Variants in FBLN7 observed in about 807,000 individuals in gnomAD.
FBLN7 encodes fibulin 7.
FBLN7 carries 31 observed loss-of-function variants against 44.0 expected under a neutral mutation model. The ratio of observed to expected loss-of-function variants is 0.70; its 90% CI spans 0.53 to 0.95. FBLN7 has a LOEUF of 0.95. FBLN7 is among the 40% of genes least tolerant of loss of function. The probability of loss-of-function intolerance (pLI) is 0.00; values close to 1 mark genes in which losing one functional copy is unlikely to be tolerated. For synonymous variants in FBLN7, 262 were observed against 253.4 expected, an observed-to-expected ratio of 1.03 and a Z score of -0.32; for missense variants, 573 against 618.5, an observed-to-expected ratio of 0.93 and a Z score of 0.78.
At chr2:112,195,223 G>A in the FBLN7 span, among the ~76,000 whole-genome samples, 39 of 152,306 alleles carry the variant, frequency 2.6e-4, 1 homozygote, top group East Asian at 7.1e-3. Context: ...ATCTGACCAC[G>A]TTTAATGAGA....
chr2:112,233,420 G>C, the FBLN7 span: 1 of 1,236,596 alleles, frequency 8.1e-7, no homozygotes, highest in Non-Finnish European at 1.1e-6. Context: ...TCATAGTCAA[G>C]TCATTATGAT....
Position 112,182,800 on chromosome 2 carries a change from AGT to A in FBLN7, c.684_685del (p.Cys228Ter). 3.1e-6 allele frequency: 5 copies of A among 1,605,296 alleles called. No individual in the cohort carries two copies. The highest frequency in any genetic ancestry group is 4.2e-6 in the Non-Finnish European group (5 of 1,176,560). ...GCACTTCTGTCTGCAGACGTGAACG[AGT>A]GTGAGCTCTACGGGCAGGAGGGGCG... is the stretch of plus-strand genomic sequence containing the variant. On this transcript the variant is annotated frameshift_variant, in exon 6 of 8. Transcript: ENST00000331203. LOFTEE classifies it high-confidence loss of function.
chr2:112,149,247 T>C (rs1310236080), intron 1 of FBLN7, among the ~76,000 whole-genome samples: 1 of 152,086 alleles, frequency 6.6e-6, no homozygotes, highest in Non-Finnish European at 1.5e-5. Context: ...CCTGGGGGCA[T>C]TGGGCAGTGA....
chr2:112,144,519 T>G (rs1680806696), intron 1 of FBLN7, among the ~76,000 whole-genome samples: 2 of 138,194 alleles, frequency 1.4e-5, no homozygotes, highest in South Asian at 4.7e-4. Context: ...TTTTGTTTTC[T>G]TTTCTTTTTT....
intron 1 of FBLN7, among the ~76,000 whole-genome samples, chr2:112,140,010 G>GGCCAGC (rs1680550528): frequency 1.4e-5 from 1 of 72,192 alleles, no homozygotes; most frequent in Non-Finnish European, 2.6e-5. Context: ...CCTCTCTCCA[G>GGCCAGC]GTCAGCGTCC....
At chr2:112,175,896 C>G in intron 4 of FBLN7, 57 bp downstream of exon 4, 1 of 1,584,022 alleles carries the variant, frequency 6.3e-7, no homozygotes. Context: ...GAGGAGGACC[C>G]TAGGCATAGG....
the FBLN7 span, chr2:112,238,430 T>C: frequency 1.9e-5 from 31 of 1,613,682 alleles, no homozygotes; most frequent in South Asian, 2.4e-4. Context: ...TATCTTCTGA[T>C]TCCTGACTGC....
intron 1 of FBLN7, among the ~76,000 whole-genome samples, chr2:112,148,933 G>C (rs1681011448): frequency 6.6e-6 from 1 of 152,210 alleles, no homozygotes; most frequent in African/African-American, 2.4e-5. Flanking sequence ...CTTCCTTTTT[G>C]ATGAAAAGAG....
chr2:112,203,065 C>T, the FBLN7 span, among the ~76,000 whole-genome samples: 40 of 152,246 alleles, frequency 2.6e-4, 1 homozygote, highest in East Asian at 7.5e-3. Context: ...AACAAAAAAA[C>T]TGGGAAATGA....
chr2:112,170,590 G>A (rs1478671351), intron 3 of FBLN7, among the ~76,000 whole-genome samples: 1 of 151,862 alleles, frequency 6.6e-6, no homozygotes, highest in Non-Finnish European at 1.5e-5. Flanking sequence ...CCCCAGGGAA[G>A]GGAAGAATTT....
chr2:112,147,577 ACT>A (rs1045130002), intron 1 of FBLN7, among the ~76,000 whole-genome samples: 3 of 151,046 alleles, frequency 2.0e-5, no homozygotes, highest in Non-Finnish European at 2.9e-5. Flanking sequence ...TGGAGCCCAG[ACT>A]CCCCCGGCCT....
chr2:112,210,647 C>G, the FBLN7 span, among the ~76,000 whole-genome samples: 1 of 85,258 alleles, frequency 1.2e-5, no homozygotes, highest in Non-Finnish European at 2.0e-5. Context: ...CAGAGTGAGA[C>G]TCTGTCTCAA....
chr2:112,195,640 C>A, the FBLN7 span, among the ~76,000 whole-genome samples: 2 of 152,156 alleles, frequency 1.3e-5, no homozygotes. Context: ...CTTTCTCATA[C>A]TAATGCTGGA....
At chr2:112,198,039 G>T in the FBLN7 span, among the ~76,000 whole-genome samples, 15 of 152,108 alleles carry the variant, frequency 9.9e-5, no homozygotes, top group African/African-American at 3.6e-4. Context: ...CCCTGGATTT[G>T]CCTGGAGAAC....
the FBLN7 span, among the ~76,000 whole-genome samples, chr2:112,235,502 T>G: frequency 6.6e-6 from 1 of 152,170 alleles, no homozygotes; most frequent in Non-Finnish European, 1.5e-5. Context: ...AGATTCCTCA[T>G]TCATAAAATA....
At chr2:112,149,526 AG>A (rs1681045658) in intron 1 of FBLN7, among the ~76,000 whole-genome samples, 1 of 152,098 alleles carries the variant, frequency 6.6e-6, no homozygotes, top group Non-Finnish European at 1.5e-5. Flanking sequence ...TGCCAGGATC[AG>A]GGTCCATTGT....
At chr2:112,156,374 A>G (rs962037846) in intron 1 of FBLN7, among the ~76,000 whole-genome samples, 29 of 152,134 alleles carry the variant, frequency 1.9e-4, no homozygotes, top group African/African-American at 6.0e-4. Flanking sequence ...ATCTTTCTCT[A>G]TGAAATGGAG....
the FBLN7 span, among the ~76,000 whole-genome samples, chr2:112,229,983 G>A: frequency 6.7e-6 from 1 of 149,382 alleles, no homozygotes; most frequent in Non-Finnish European, 1.5e-5. Flanking sequence ...TCCACAAAAT[G>A]GGAGAAGGCC....
chr2:112,185,169 G>A (rs767959046), intron 6 of FBLN7, 32 bp from the exon 7 acceptor site: 22 of 1,596,052 alleles, frequency 1.4e-5, no homozygotes, highest in African/African-American at 5.4e-5. Context: ...AGGTCAGGGC[G>A]ATTCTCACCT....
Sources: allele counts gnomAD v4.1 joint callset (sites outside exome capture counted in the v4.1 genomes callset), GRCh38; gene constraint gnomAD v4.1.1; transcripts MANE v1.5; gene names NCBI Gene and HGNC (gene_info 2026-07-23, HGNC 2026-07-21).